CPZ: variants seen among roughly 807,000 people sequenced by gnomAD.
The protein encoded by CPZ is VEZT/CPZ fusion.
CPZ carries 103 observed loss-of-function variants against 61.8 expected under a neutral mutation model. The ratio of observed to expected loss-of-function variants is 1.67; its 90% CI spans 1.42 to 1.96. The LOEUF (loss-of-function observed/expected upper bound fraction) is 1.96, where lower values mean the gene tolerates loss of function less well. Ranked by LOEUF, CPZ falls within the 30% of genes most tolerant of loss-of-function variation. The probability of loss-of-function intolerance (pLI) is 0.00; values close to 1 mark genes in which losing one functional copy is unlikely to be tolerated. For missense variants in CPZ, 1,461 were observed against 914.9 expected (o/e 1.60, Z -7.70); for synonymous variants, 551 against 373.7 (o/e 1.47, Z -5.47).
chr4:8,600,474 C>T (rs1039847907), intron 2 of CPZ, among the ~76,000 whole-genome samples: 3 of 152,190 alleles, frequency 2.0e-5, no homozygotes, highest in Non-Finnish European at 2.9e-5. Context: ...CAGCTCCCGA[C>T]GGGGCTGGAG....
At chr4:8,618,268 C>G (rs1034092814) in intron 9 of CPZ, 161 bp from the exon 10 acceptor site, 1 of 631,426 alleles carries the variant, frequency 1.6e-6, no homozygotes, top group Admixed American at 2.7e-5. Flanking sequence ...GAGTGACTGA[C>G]TCGTTAAAGA....
At chr4:8,602,707 C>T (rs193145232) in intron 3 of CPZ, 1 of 152,416 alleles carries the variant, frequency 6.6e-6, no homozygotes, top group East Asian at 1.9e-4. Flanking sequence ...TACCGAGCAC[C>T]CACTGTACAT....
At chr4:8,617,014 C>T (rs1232454155) in intron 9 of CPZ, among the ~76,000 whole-genome samples, 1 of 152,186 alleles carries the variant, frequency 6.6e-6, no homozygotes, top group South Asian at 2.1e-4. Flanking sequence ...TAAGTGCTAG[C>T]ATGTGCTTTG....
At chr4:8,596,266 G>A (rs1167592354) in intron 1 of CPZ, among the ~76,000 whole-genome samples, 1 of 152,214 alleles carries the variant, frequency 6.6e-6, no homozygotes, top group Non-Finnish European at 1.5e-5. Flanking sequence ...TGGCCAGGCT[G>A]GTCTTGAACT....
At chr4:8,611,586 T>C (rs994669216) in intron 7 of CPZ, among the ~76,000 whole-genome samples, 1 of 152,180 alleles carries the variant, frequency 6.6e-6, no homozygotes, top group Non-Finnish European at 1.5e-5. Flanking sequence ...GCAGTGATTA[T>C]TCATAGAAGT....
chr4:8,611,235 T>A lies in CPZ; in HGVS notation c.1228-792T>A, dbSNP rs1008950861. The A allele has an allele frequency of 6.6e-6, 3 of 456,244 alleles. 1 individual carries two copies. Among genetic ancestry groups the A allele is most frequent in the African/African-American group, 2.0e-5 (1 of 50,182 alleles). The allele number at this position is 456,244 out of a possible 1,614,324, so 28.3% of individuals were successfully genotyped here. On this transcript the variant is annotated intron_variant, in intron 7 of 10. Transcript: ENST00000360986. ...GATGAGCTCATGCAGGGTGAGCCCT[T>A]CGCCTGCCTGACCCACCAGGAGCCT...
chr4:8,607,127 C>T, intron 6 of CPZ, 140 bp from the exon 7 acceptor site: 1 of 1,133,302 alleles, frequency 8.8e-7, no homozygotes, highest in Admixed American at 2.7e-5. Flanking sequence ...GTGATGGGGG[C>T]CGAGTCCAGC....
chr4:8,595,493 C>T (rs1248119079), intron 1 of CPZ, among the ~76,000 whole-genome samples: 3 of 152,312 alleles, frequency 2.0e-5, no homozygotes, highest in East Asian at 3.9e-4. Context: ...AGCAGGCCCA[C>T]CCCCGTGTGG....
rs145227034 is a variant in CPZ, at chr4:8,614,429, C to G, written c.1434C>G (p.Phe478Leu). ...CGGTAGAGCTGGGCTGTGTGAAGTT[C>G]CCCCCCGAGGAGGCCCTGTACATAC... ...EITVELGCVKFPPEEALYILW... is the reference protein window; with the variant it reads ...EITVELGCVKLPPEEALYILW... Residue 478 changes from phenylalanine (F) to leucine (L), a missense_variant, in exon 9 of 11, where the codon TTC becomes TTG. Phe to Leu is a conservative substitution (Grantham distance 22). Coordinates refer to ENST00000360986, the MANE Select transcript of CPZ (RefSeq NM_001014447.3). 9 of 1,612,772 alleles carry G rather than the reference C, an allele frequency of 5.6e-6. No homozygotes were observed. In the Middle Eastern group the frequency reaches 5.0e-4, roughly 89 times the overall value.
chr4:8,600,953 A>T, intron 2 of CPZ, 170 bp from the exon 3 acceptor site: 2 of 1,367,256 alleles, frequency 1.5e-6, no homozygotes, highest in Non-Finnish European at 1.9e-6. Flanking sequence ...CTGGTCTCTC[A>T]CAGGCTCTGA....
At chr4:8,613,892 G>T (rs1715926512) in intron 8 of CPZ, among the ~76,000 whole-genome samples, 1 of 152,214 alleles carries the variant, frequency 6.6e-6, no homozygotes, top group Middle Eastern at 3.2e-3. Context: ...GTCACCATGG[G>T]GTCTCCAGGC....
At chr4:8,615,394 C>T (rs560783630) in intron 9 of CPZ, among the ~76,000 whole-genome samples, 4 of 152,152 alleles carry the variant, frequency 2.6e-5, no homozygotes, top group African/African-American at 4.8e-5. Context: ...AGGCAGCCTG[C>T]GTTCGAAGAA....
chr4:8,610,008 A>G (rs1380124100), intron 7 of CPZ, among the ~76,000 whole-genome samples: 1 of 152,168 alleles, frequency 6.6e-6, no homozygotes, highest in African/African-American at 2.4e-5. Flanking sequence ...TTGCTGCTCC[A>G]CACGTGCCCC....
chr4:8,601,506 A>C lies in CPZ; in HGVS notation c.496+9A>C, dbSNP rs1213896922. The C allele has an allele frequency of 6.9e-7, 1 of 1,458,878 alleles. No individual in the cohort carries two copies. The highest frequency in any genetic ancestry group is 2.5e-5 in the East Asian group (1 of 40,294). 90.4% of individuals were successfully genotyped at this position (1,458,878 alleles called of 1,614,324 possible). A position where few individuals can be genotyped will look rare whatever the true frequency, so the allele number is the denominator to read the frequency against. On this transcript the variant is annotated intron_variant, in intron 3 of 10. Transcript: ENST00000360986. ...GCTGGAGAAGCTTCGGGGTAAGGGA[A>C]AGTGGCGGGGGCCTGTGTGGTCATG...
chr4:8,618,807 G>A (rs773365495), intron 10 of CPZ, among the ~76,000 whole-genome samples: 12 of 152,302 alleles, frequency 7.9e-5, no homozygotes, highest in Admixed American at 5.2e-4. Context: ...CAACATTGCC[G>A]GGGAGAGCCA....
chr4:8,597,906 C>T (rs1714298293), intron 1 of CPZ, among the ~76,000 whole-genome samples: 1 of 152,190 alleles, frequency 6.6e-6, no homozygotes, highest in Admixed American at 6.5e-5. Flanking sequence ...TTGCCCGGGG[C>T]CCCCGGCTGT....
chr4:8,612,182 G>T lies in CPZ; in HGVS notation c.1363+20G>T, dbSNP rs1178088527. The stretch of plus-strand genomic sequence containing the variant: ...CGGGAGGTGCGGCTTCCGCAGGGCG[G>T]GACTGGGCGGGGGGTGGGGGGTGCA... On this transcript the variant is annotated intron_variant, in intron 8 of 10. Coordinates refer to ENST00000360986, the MANE Select transcript of CPZ (RefSeq NM_001014447.3). The T allele has an allele frequency of 3.8e-6, 3 of 788,688 alleles. No individual in the cohort carries two copies. The highest frequency in any genetic ancestry group is 3.8e-5 in the African/African-American group (2 of 52,734). 48.9% of individuals were successfully genotyped at this position (788,688 alleles called of 1,614,324 possible). A position where few individuals can be genotyped will look rare whatever the true frequency, so the allele number is the denominator to read the frequency against.
chr4:8,604,324 A>T, intron 4 of CPZ, 136 bp downstream of exon 4: 1 of 757,382 alleles, frequency 1.3e-6, no homozygotes, highest in Middle Eastern at 3.9e-4. Context: ...TGCTTGGTGC[A>T]GGCCACGTCC....
At chr4:8,605,551 T>C (rs1714897076) in intron 4 of CPZ, among the ~76,000 whole-genome samples, 2 of 140,902 alleles carry the variant, frequency 1.4e-5, no homozygotes, top group African/African-American at 2.7e-5. Flanking sequence ...TATCCATTCA[T>C]CCATCATTGA....
Sources: allele counts gnomAD v4.1 joint callset (sites outside exome capture counted in the v4.1 genomes callset), GRCh38; gene constraint gnomAD v4.1.1; transcripts MANE v1.5; gene names NCBI Gene and HGNC (gene_info 2026-07-23, HGNC 2026-07-21).